ITGA10: variants seen among roughly 807,000 people sequenced by gnomAD.
ITGA10 encodes the protein integrin subunit alpha 10.
Under a neutral mutation model 145.2 loss-of-function variants are expected in ITGA10, and 105 were observed. The observed-to-expected ratio is 0.72, with a 90% CI of 0.62 to 0.85. ITGA10 has a LOEUF of 0.85. Among genes scored for constraint, ITGA10 ranks in the 40% least tolerant of loss-of-function variants. ITGA10 has a pLI of 0.00. For missense variants in ITGA10, 1,317 were observed against 1,444.5 expected (o/e 0.91, Z 1.43); for synonymous variants, 506 against 557.8 (o/e 0.91, Z 1.31).
chr1:145,897,945 G>C (rs200742739), intron 18 of ITGA10, 45 bp from the exon 19 acceptor site: 1 of 1,519,520 alleles, frequency 6.6e-7, no homozygotes, highest in South Asian at 1.1e-5. Flanking sequence ...AAAGCAAGGA[G>C]GAAAGGAATA....
At chr1:145,909,507 A>G (rs1352639957) in intron 1 of ITGA10, among the ~76,000 whole-genome samples, 2 of 134,076 alleles carry the variant, frequency 1.5e-5, no homozygotes, top group Non-Finnish European at 3.1e-5. Flanking sequence ...TAATTATGTT[A>G]TATATTATAT....
At chr1:145,908,545 C>A (rs1029537399) in intron 1 of ITGA10, among the ~76,000 whole-genome samples, 4 of 152,128 alleles carry the variant, frequency 2.6e-5, no homozygotes, top group African/African-American at 9.7e-5. Context: ...CCTTTTGACC[C>A]CAATGCCTTT....
chr1:145,908,634 A>C (rs1295771705), intron 1 of ITGA10, among the ~76,000 whole-genome samples: 1 of 152,122 alleles, frequency 6.6e-6, no homozygotes, highest in Non-Finnish European at 1.5e-5. Context: ...TGTCCTTCCC[A>C]TGGTCCTTTC....
chr1:145,900,110 TCCATCCAGATCTAGCCGA>T lies in ITGA10; in HGVS notation c.1851_1868del (p.Arg618_Gly623del). 6.2e-7 allele frequency: 1 copy of T among 1,613,996 alleles called. No individual in the cohort carries two copies. Among genetic ancestry groups the T allele is most frequent in the Non-Finnish European group, 8.5e-7 (1 of 1,179,974 alleles). On this transcript the variant is annotated inframe_deletion, in exon 15 of 30. Transcript: ENST00000369304. ...CCACAGCCACATCGACCAGATCATC[TCCATCCAGATCTAGCCGA>T]CCATCCACACTTCGGCCAAAGTAGC...
rs1354709949 is a variant in ITGA10, at chr1:145,901,453, C to T, written c.1443+63G>A. ...GCCTCTCTCTTACCCACTTCACACTCCTCCCCAACAGCCCAGAGGTCCCTG... is the reference window on the plus strand; with the variant it reads ...GCCTCTCTCTTACCCACTTCACACTTCTCCCCAACAGCCCAGAGGTCCCTG... On this transcript the variant is annotated intron_variant, in intron 12 of 29. Coordinates refer to ENST00000369304, the MANE Select transcript of ITGA10 (RefSeq NM_003637.5). This position sits in a 1 kb window ranked among gnomAD's most constrained non-coding sequence, Gnocchi z 4.3. 7.3e-6 allele frequency: 11 copies of T among 1,513,362 alleles called. No homozygotes were observed. The highest frequency in any genetic ancestry group is 9.7e-6 in the Non-Finnish European group (11 of 1,129,496). The allele number at this position is 1,513,362 out of a possible 1,614,324, so 93.7% of individuals were successfully genotyped here.
rs782288877 is a variant in ITGA10 at position 145,895,369 on chromosome 1, C to T, written c.3139G>A (p.Val1047Met). Residue 1047 changes from valine (V) to methionine (M), a missense_variant, in exon 27 of 30, where the codon GTG becomes ATG. Val to Met is a conservative substitution (Grantham distance 21). Coordinates refer to ENST00000369304, the MANE Select transcript of ITGA10 (RefSeq NM_003637.5). ...RLNGSNTQCQ[V>M]VRCHLGQLAK... is the part of the protein sequence containing the mutation. ...AGCTGCCCAAGGTGGCACCTCACCACCTGACACTGAGTATTGCTCCCATTC... is the reference window on the plus strand; with the variant it reads ...AGCTGCCCAAGGTGGCACCTCACCATCTGACACTGAGTATTGCTCCCATTC... 5 of 1,614,016 alleles carry T rather than the reference C, an allele frequency of 3.1e-6. No homozygotes were observed. In the South Asian group the frequency reaches 5.5e-5, roughly 18 times the overall value.
rs782294464 is a variant in ITGA10, at chr1:145,906,497, AG to A, written c.377del (p.Pro126LeufsTer67). On this transcript the variant is annotated frameshift_variant, in exon 5 of 30. Coordinates refer to ENST00000369304, the MANE Select transcript of ITGA10 (RefSeq NM_003637.5). LOFTEE classifies it high-confidence loss of function. Reference sequence around the variant, plus strand: ...AGCTGCCACAAGCACGAGACCAGAGAGGGGCACAGGCCTGGGGATGGGGGAA... The same window carrying A: ...AGCTGCCACAAGCACGAGACCAGAGAGGGCACAGGCCTGGGGATGGGGGAA... ...DGDGGFMACA[P>X]LWSRACGSSV... The A allele has an allele frequency of 6.2e-7, 1 of 1,613,980 alleles. No individual in the cohort carries two copies. The highest frequency in any genetic ancestry group is 1.1e-5 in the South Asian group (1 of 91,078).
chr1:145,898,711 C>A (rs1655800525), intron 17 of ITGA10, among the ~76,000 whole-genome samples: 1 of 152,140 alleles, frequency 6.6e-6, no homozygotes, highest in Admixed American at 6.5e-5. Context: ...TTATTATTAT[C>A]ACCCCTTTGC....
In ITGA10 at chr1:145,897,567, G is replaced by T. The variant is rs1298869122; in HGVS notation, c.2519C>A (p.Thr840Lys). Residue 840 changes from threonine (T) to lysine (K), a missense_variant, in exon 20 of 30, where the codon ACG becomes AAG. Physicochemically the swap from Thr to Lys is moderately conservative, Grantham distance 78. Coordinates refer to ENST00000369304, the MANE Select transcript of ITGA10 (RefSeq NM_003637.5). Reference protein sequence around the residue: ...LENRKENAYNTSLSLIFSRNL... With the variant: ...LENRKENAYNKSLSLIFSRNL... ...TCTAGAGAAGATGAGACTCAGGCTC[G>T]TATTGTAAGCATTTTCCTTTCTGTT... is the stretch of plus-strand genomic sequence containing the variant. 1 of 1,614,104 alleles carries T rather than the reference G, an allele frequency of 6.2e-7. No homozygotes were observed. The highest frequency in any genetic ancestry group is 8.5e-7 in the Non-Finnish European group (1 of 1,180,022).
intron 1 of ITGA10, among the ~76,000 whole-genome samples, chr1:145,909,292 C>A (rs1326203461): frequency 1.3e-5 from 2 of 150,934 alleles, no homozygotes; most frequent in Non-Finnish European, 2.9e-5. Context: ...AGAGTGAGAC[C>A]CTGTTTCAAA....
chr1:145,906,908 G>T, intron 3 of ITGA10, 84 bp from the exon 4 acceptor site: 3 of 1,193,342 alleles, frequency 2.5e-6, no homozygotes, highest in Non-Finnish European at 3.7e-6. Context: ...AGGAGAATGA[G>T]CAGGGATTGG....
chr1:145,898,957 C>T lies in ITGA10; in HGVS notation c.2211G>A (p.Glu737=), dbSNP rs782639116. 6.8e-6 allele frequency: 11 copies of T among 1,613,994 alleles called. No individual in the cohort carries two copies. The highest frequency in any genetic ancestry group is 9.3e-6 in the Non-Finnish European group (11 of 1,179,998). Reference sequence around the variant, plus strand: ...TTACCAGCACATGGAAGTGTAGCTGCTCACAAGTGACATTCCCCACACTGA... The same window carrying T: ...TTACCAGCACATGGAAGTGTAGCTGTTCACAAGTGACATTCCCCACACTGA... The part of the protein sequence containing the change: ...LRLSVGNVTC[E]QLHFHVLDTS... The change falls in exon 17 of 30, where the codon GAG becomes GAA. Residue 737 remains glutamate, a synonymous_variant. Transcript: ENST00000369304.
chr1:145,906,347 C>T, intron 5 of ITGA10, 47 bp downstream of exon 5: 2 of 1,435,184 alleles, frequency 1.4e-6, no homozygotes, highest in Non-Finnish European at 2.0e-6. Flanking sequence ...TTTTCCCACC[C>T]AGTATCTCCT....
At chr1:145,904,005 A>C (rs1055705977) in intron 7 of ITGA10, 47 bp downstream of exon 7, 2 of 1,609,298 alleles carry the variant, frequency 1.2e-6, no homozygotes, top group Admixed American at 3.3e-5. Flanking sequence ...AACTCTTCTA[A>C]GCCTTCATTG....
At chr1:145,893,907 G>T (rs1553744031) in intron 27 of ITGA10, among the ~76,000 whole-genome samples, 1 of 151,662 alleles carries the variant, frequency 6.6e-6, no homozygotes, top group African/African-American at 2.4e-5. Context: ...TCCTTTGGCT[G>T]ACCTCTACCC....
In ITGA10 at chr1:145,902,271, A is replaced by G. The variant is rs782084914; in HGVS notation, c.1124T>C (p.Ile375Thr). ...ESSFGLEMSQ[I>T]GFSTHRLKDG... ...CTTTAGCCGATGAGTGGAGAAACCAATCTGAGACATTTCCAGCCCAAAGGA... is the reference window on the plus strand; with the variant it reads ...CTTTAGCCGATGAGTGGAGAAACCAGTCTGAGACATTTCCAGCCCAAAGGA... The change falls in exon 10 of 30, where the codon ATT becomes ACT. Residue 375 changes from isoleucine to threonine, a missense_variant. Physicochemically the swap from Ile to Thr is moderately conservative, Grantham distance 89. Transcript: ENST00000369304. 7 of 1,614,060 alleles carry G rather than the reference A, an allele frequency of 4.3e-6. No individual in the cohort carries two copies. The highest frequency in any genetic ancestry group is 1.3e-5 in the African/African-American group (1 of 74,922).
At chr1:145,896,719 G>A in intron 23 of ITGA10, 50 bp downstream of exon 23, 1 of 1,416,774 alleles carries the variant, frequency 7.1e-7, no homozygotes, top group Non-Finnish European at 1.0e-6. Flanking sequence ...GCAGCATAAG[G>A]GTATGAGTCT....
At position 145,903,198 on chromosome 1, in the gene ITGA10, A is replaced by C. The variant is rs140875142; in HGVS notation, c.759-237T>G. On this transcript the variant is annotated intron_variant, in intron 7 of 29. Coordinates refer to ENST00000369304, the MANE Select transcript of ITGA10 (RefSeq NM_003637.5). ...GGTCATAGAACATACAGAGTAGCTTATCAGTCCAAATAAGTACAACGTTCA... is the reference window on the plus strand; with the variant it reads ...GGTCATAGAACATACAGAGTAGCTTCTCAGTCCAAATAAGTACAACGTTCA... Among the ~76,000 whole-genome samples, 269 of 152,332 alleles carry C rather than the reference A, an allele frequency of 1.8e-3. No homozygotes were observed. In the Middle Eastern group the frequency reaches 0.02, roughly 12 times the overall value.
chr1:145,896,493 A>C, intron 23 of ITGA10, 141 bp from the exon 24 acceptor site: 1 of 728,722 alleles, frequency 1.4e-6, no homozygotes. Flanking sequence ...GAGAAGACAG[A>C]AGTAGAACAT....
Sources: gnomAD v4.1 joint callset for allele counts (sites outside exome capture counted in the v4.1 genomes callset) on GRCh38, gnomAD v4.1.1 for gene constraint, Gnocchi (gnomAD v3.1) non-coding constraint, MANE v1.5 for transcripts, NCBI Gene and HGNC (gene_info 2026-07-23, HGNC 2026-07-21) for gene names.